TMEM64: variants seen among roughly 807,000 people sequenced by gnomAD.
TMEM64 encodes the protein transmembrane protein 64.
In TMEM64, 19 loss-of-function variants were observed where a neutral mutation model predicts 24.5. That is an observed-to-expected ratio of 0.78 (90% CI 0.54 to 1.14). The LOEUF is 1.14. TMEM64 is among the 50% of genes most tolerant of loss of function. The probability of loss-of-function intolerance (pLI) is 0.00; values close to 1 mark genes in which losing one functional copy is unlikely to be tolerated. For synonymous variants in TMEM64, 262 were observed against 224.7 expected (o/e 1.17, Z -1.49); for missense variants, 487 against 493.0 (o/e 0.99, Z 0.12).
In TMEM64 at chr8:90,645,615, G is replaced by A. The variant is rs570814726; in HGVS notation, c.291C>T (p.Gly97=). 3.3e-3 allele frequency: 5,100 copies of A among 1,534,430 alleles called. 52 individuals carry two copies. In the Middle Eastern group the frequency reaches 0.033, roughly 10 times the overall value. ...CCTCAGCCACGCCGACCACCACGCC[G>A]CCGCCGCCACTCCCGGGGCCGCCCG... The part of the protein sequence containing the change: ...ALAGGPGSGG[G]GVVVGVAEVR... The change falls in exon 1 of 3, where the codon GGC becomes GGT. Residue 97 remains glycine, a synonymous_variant. Coordinates refer to ENST00000458549, the MANE Select transcript of TMEM64 (RefSeq NM_001008495.4). The surrounding 1 kb of genome is among the most constrained non-coding windows in gnomAD (Gnocchi z 4.2).
intron 1 of TMEM64, among the ~76,000 whole-genome samples, chr8:90,636,879 T>C (rs1391189645): frequency 6.6e-6 from 1 of 152,232 alleles, no homozygotes; most frequent in Non-Finnish European, 1.5e-5. Context: ...AGTTAGTTTC[T>C]ATGATGAGAT....
intron 2 of TMEM64, among the ~76,000 whole-genome samples, chr8:90,626,810 A>G (rs1446421216): frequency 5.3e-5 from 8 of 151,764 alleles, no homozygotes; most frequent in Admixed American, 2.0e-4. Flanking sequence ...TTGTATTTTT[A>G]GTAGAGACGG....
intron 2 of TMEM64, among the ~76,000 whole-genome samples, chr8:90,626,079 C>T (rs1455295511): frequency 2.0e-5 from 3 of 152,138 alleles, no homozygotes; most frequent in Admixed American, 6.5e-5. Context: ...TACAGGTAAC[C>T]ATGACATGGT....
Position 90,625,734 on chromosome 8 carries a change from A to C in TMEM64, c.1080T>G (p.Ser360Arg). 2 of 1,613,952 alleles carry C rather than the reference A, an allele frequency of 1.2e-6. No homozygotes were observed. Among genetic ancestry groups the C allele is most frequent in the Non-Finnish European group, 1.7e-6 (2 of 1,179,914 alleles). ...SLVKGNQPNT[S>R]GSSFYNKRTL... ...TCCTCTTGTTGTAGAATGAAGAGCCACTGGTATTTGGTTGATTGCCTTTAA... is the reference window on the plus strand; with the variant it reads ...TCCTCTTGTTGTAGAATGAAGAGCCCCTGGTATTTGGTTGATTGCCTTTAA... Residue 360 changes from serine to arginine, a missense_variant, in exon 3 of 3, where the codon AGT (serine) becomes AGG (arginine). By Grantham distance (110) the Ser-to-Arg change is moderately radical (BLOSUM62 -1). Coordinates refer to ENST00000458549, the MANE Select transcript of TMEM64 (RefSeq NM_001008495.4).
At chr8:90,639,542 T>C (rs1809571214) in intron 1 of TMEM64, among the ~76,000 whole-genome samples, 4 of 152,170 alleles carry the variant, frequency 2.6e-5, no homozygotes, top group Admixed American at 2.6e-4. Flanking sequence ...ATGCCTTCTA[T>C]ATATATCTAA....
chr8:90,645,439 G>C lies in TMEM64; in HGVS notation c.467C>G (p.Ser156Trp). The C allele has an allele frequency of 6.4e-7, 1 of 1,551,600 alleles. No individual in the cohort carries two copies. The highest frequency in any genetic ancestry group is 8.7e-7 in the Non-Finnish European group (1 of 1,147,030). ...GACGAAGAGCAGGACCCCCAGCAGCGAGTCAAGGCTCTCCACCCACAGCAG... is the reference window on the plus strand; with the variant it reads ...GACGAAGAGCAGGACCCCCAGCAGCCAGTCAAGGCTCTCCACCCACAGCAG... ...HLLLWVESLD[S>W]LLGVLLFVVG... The change falls in exon 1 of 3, where the codon TCG (serine) becomes TGG (tryptophan). Residue 156 changes from serine to tryptophan, a missense_variant. Ser to Trp is a radical substitution (Grantham distance 177). Around this residue, in one of 3 missense-constraint regions of TMEM64, gnomAD observed 419 missense variants for 407.5 expected, o/e 1.03. Coordinates refer to ENST00000458549, the MANE Select transcript of TMEM64 (RefSeq NM_001008495.4). The surrounding 1 kb of genome is among the most constrained non-coding windows in gnomAD (Gnocchi z 4.2).
chr8:90,627,271 AG>A (rs1464274712), intron 2 of TMEM64, among the ~76,000 whole-genome samples: 1 of 152,138 alleles, frequency 6.6e-6, no homozygotes, highest in Non-Finnish European at 1.5e-5. Context: ...AACTTGCACA[AG>A]GGGGTGCCAT....
At chr8:90,635,782 T>A (rs1032163274) in intron 1 of TMEM64, among the ~76,000 whole-genome samples, 2 of 152,222 alleles carry the variant, frequency 1.3e-5, no homozygotes, top group African/African-American at 4.8e-5. Flanking sequence ...TATATTGCAG[T>A]TAATAACAAA....
In TMEM64 at chr8:90,645,027, T is replaced by A; in HGVS notation, c.795+84A>T. 1 of 1,404,208 alleles carries A rather than the reference T, an allele frequency of 7.1e-7. No individual in the cohort carries two copies. The highest frequency in any genetic ancestry group is 9.7e-7 in the Non-Finnish European group (1 of 1,028,364). 87.0% of individuals were successfully genotyped at this position (1,404,208 alleles called of 1,614,324 possible). A position where few individuals can be genotyped will look rare whatever the true frequency, so the allele number is the denominator to read the frequency against. On this transcript the variant is annotated intron_variant, in intron 1 of 2. Coordinates refer to ENST00000458549, the MANE Select transcript of TMEM64 (RefSeq NM_001008495.4). The surrounding 1 kb of genome is among the most constrained non-coding windows in gnomAD (Gnocchi z 4.2). ...AATGTCACTTCTCTGCTGGTATTTA[T>A]CTGATAGAGCGCCCTCCTAGGGCCG...
rs1809667350 is a variant in TMEM64, at chr8:90,645,027, T to C, written c.795+84A>G. ...AATGTCACTTCTCTGCTGGTATTTA[T>C]CTGATAGAGCGCCCTCCTAGGGCCG... On this transcript the variant is annotated intron_variant, in intron 1 of 2. Transcript: ENST00000458549. The surrounding 1 kb of genome is among the most constrained non-coding windows in gnomAD (Gnocchi z 4.2). 1 of 1,404,208 alleles carries C rather than the reference T, an allele frequency of 7.1e-7. No homozygotes were observed. Among genetic ancestry groups the C allele is most frequent in the Admixed American group, 2.2e-5 (1 of 45,866 alleles). The allele number at this position is 1,404,208 out of a possible 1,614,324, so 87.0% of individuals were successfully genotyped here. A position where few individuals can be genotyped will look rare whatever the true frequency, so the allele number is the denominator to read the frequency against.
At chr8:90,634,042 T>G (rs964371643) in intron 1 of TMEM64, among the ~76,000 whole-genome samples, 12 of 152,200 alleles carry the variant, frequency 7.9e-5, no homozygotes, top group Non-Finnish European at 1.0e-4. Context: ...TGCATTTAGC[T>G]TTAGAAAGTG....
Position 90,645,479 on chromosome 8 carries a change from A to G in TMEM64, c.427T>C (p.Tyr143His). Residue 143 changes from tyrosine (Y) to histidine (H), a missense_variant, in exon 1 of 3, where the codon TAC (tyrosine) becomes CAC (histidine). Transcript: ENST00000458549. The surrounding 1 kb of genome is among the most constrained non-coding windows in gnomAD (Gnocchi z 4.2). ...ACCCACAGCAGGAGGTGGTGAAGGT[A>G]GCGGCGGACCAGGGCCAGGGAAGCG... Reference protein sequence around the residue: ...CFASLALVRRYLHHLLLWVES... With the variant: ...CFASLALVRRHLHHLLLWVES... The G allele has an allele frequency of 6.4e-7, 1 of 1,551,404 alleles. No individual in the cohort carries two copies. The highest frequency in any genetic ancestry group is 8.7e-7 in the Non-Finnish European group (1 of 1,147,006).
At position 90,625,656 on chromosome 8, in the gene TMEM64, C is replaced by G; in HGVS notation, c.*15G>C. On this transcript the variant is annotated 3_prime_UTR_variant, in exon 3 of 3. Transcript: ENST00000458549. ...TAGCACACTAGGCTCTTGACAATCACGTATCTCATTAGAATCATACAACAT... is the reference window on the plus strand; with the variant it reads ...TAGCACACTAGGCTCTTGACAATCAGGTATCTCATTAGAATCATACAACAT... The G allele has an allele frequency of 1.2e-6, 2 of 1,607,824 alleles. No individual in the cohort carries two copies. The highest frequency in any genetic ancestry group is 1.7e-6 in the Non-Finnish European group (2 of 1,175,804).
At chr8:90,632,791 A>T (rs1372138334) in intron 1 of TMEM64, among the ~76,000 whole-genome samples, 1 of 152,202 alleles carries the variant, frequency 6.6e-6, no homozygotes, top group African/African-American at 2.4e-5. Context: ...AGGATCAAAA[A>T]TATTTCTAAA....
At chr8:90,629,099 CT>C (rs60644348) in intron 2 of TMEM64, among the ~76,000 whole-genome samples, 9 of 152,092 alleles carry the variant, frequency 5.9e-5, no homozygotes, top group African/African-American at 1.9e-4. Context: ...CCTAAGCTCT[CT>C]TTTTTTCCTT....
intron 2 of TMEM64, among the ~76,000 whole-genome samples, chr8:90,630,231 G>A (rs970840985): frequency 6.6e-6 from 1 of 152,110 alleles, no homozygotes; most frequent in African/African-American, 2.4e-5. Flanking sequence ...ATCCTTCCAT[G>A]CTTTAAATGA....
At chr8:90,629,282 C>T (rs1057290481) in intron 2 of TMEM64, among the ~76,000 whole-genome samples, 1 of 152,144 alleles carries the variant, frequency 6.6e-6, no homozygotes, top group African/African-American at 2.4e-5. Context: ...AATTTTCCAG[C>T]TTAGCCAAAG....
chr8:90,638,903 C>T (rs1039838939), intron 1 of TMEM64, among the ~76,000 whole-genome samples: 1 of 152,176 alleles, frequency 6.6e-6, no homozygotes, highest in Non-Finnish European at 1.5e-5. Flanking sequence ...GCTACCACCT[C>T]AAGGGAGAGA....
At chr8:90,630,281 T>C (rs1489237310) in intron 2 of TMEM64, among the ~76,000 whole-genome samples, 1 of 152,226 alleles carries the variant, frequency 6.6e-6, no homozygotes. Flanking sequence ...ATGTAAATGC[T>C]ATGTAGTTAT....
Sources: allele counts gnomAD v4.1 joint callset (sites outside exome capture counted in the v4.1 genomes callset), GRCh38; gene constraint gnomAD v4.1.1; regional missense constraint gnomAD v4.1.1; non-coding constraint Gnocchi (gnomAD v3.1); transcripts MANE v1.5; gene names NCBI Gene and HGNC (gene_info 2026-07-23, HGNC 2026-07-21).